The following GDF1 variants were observed in gnomAD, a reference collection of about 807,000 sequenced individuals.
The protein encoded by GDF1 is growth differentiation factor 1.
In GDF1, 8 loss-of-function variants were observed where a neutral mutation model predicts 7.4. The ratio of observed to expected loss-of-function variants is 1.09; its 90% CI spans 0.64 to 1.96. The LOEUF (loss-of-function observed/expected upper bound fraction) is 1.96. Ranked by LOEUF, GDF1 falls within the 30% of genes most tolerant of loss-of-function variation. The pLI is 0.00. For synonymous variants in GDF1, 311 were observed against 276.7 expected (o/e 1.12, Z -1.23); for missense variants, 574 against 551.5 (o/e 1.04, Z -0.41).
chr19:18,886,802 T>C (rs907918167), intron 2 of GDF1, among the ~76,000 whole-genome samples: 5 of 152,222 alleles, frequency 3.3e-5, no homozygotes, highest in African/African-American at 9.6e-5. Context: ...CATCTCGGCC[T>C]GGCCCCTTCT....
chr19:18,874,494 C>T (rs1475669631), intron 6 of GDF1, among the ~76,000 whole-genome samples: 3 of 152,126 alleles, frequency 2.0e-5, no homozygotes. Context: ...GCTGCAGGGG[C>T]AGTGGCAGGT....
chr19:18,885,316 T>A (rs554819142), intron 2 of GDF1, among the ~76,000 whole-genome samples: 29 of 152,198 alleles, frequency 1.9e-4, no homozygotes, highest in Admixed American at 7.2e-4. Flanking sequence ...TCCTCCCACC[T>A]CAGCCTCCTG....
chr19:18,879,032 A>T lies in GDF1; in HGVS notation c.-415T>A. On this transcript the variant is annotated 5_prime_UTR_variant, in exon 6 of 8. Transcript: ENST00000247005. The stretch of plus-strand genomic sequence containing the variant: ...TGTCAACACCTTGGCTGCAAACGCC[A>T]CGATGTACTGCGAGAGGGGAGGGGA... 1 of 1,613,548 alleles carries T rather than the reference A, an allele frequency of 6.2e-7. No homozygotes were observed. Among genetic ancestry groups the T allele is most frequent in the Middle Eastern group, 1.7e-4 (1 of 6,060 alleles).
rs1271581824 is a variant in GDF1, at chr19:18,895,959, C to T, written c.-1209G>A. 3.7e-6 allele frequency: 4 copies of T among 1,091,190 alleles called. No individual in the cohort carries two copies. In the South Asian group the frequency reaches 9.6e-5, roughly 26 times the overall value. 67.6% of individuals were successfully genotyped at this position (1,091,190 alleles called of 1,614,324 possible). Reference sequence around the variant, plus strand: ...GACGCGCCAGCCCCCAGCCGCAGTCCGTGCAGCCCCGCGCCGCCGCCAGCG... The same window carrying T: ...GACGCGCCAGCCCCCAGCCGCAGTCTGTGCAGCCCCGCGCCGCCGCCAGCG... On this transcript the variant is annotated 5_prime_UTR_variant, in exon 1 of 8. Transcript: ENST00000247005. This position sits in a 1 kb window ranked among gnomAD's most constrained non-coding sequence, Gnocchi z 6.4.
intron 2 of GDF1, among the ~76,000 whole-genome samples, chr19:18,884,590 G>A (rs2056303516): frequency 6.6e-6 from 1 of 151,362 alleles, no homozygotes; most frequent in Non-Finnish European, 1.5e-5. Flanking sequence ...TGTATTTTTA[G>A]TAGAGACGGG....
chr19:18,875,208 C>T (rs561917129), intron 6 of GDF1, among the ~76,000 whole-genome samples: 16 of 147,962 alleles, frequency 1.1e-4, no homozygotes, highest in Non-Finnish European at 1.9e-4. Flanking sequence ...TGCGCTCCAG[C>T]GTGGGCGACA....
rs2055913910 is a variant in GDF1 at position 18,869,237 on chromosome 19, T to A, written c.479A>T (p.Glu160Val). ...RFAAAAAAAP[E>V]GGWELSVAQA... ...CGCCACGCTCAGCTCCCAGCCGCCC[T>A]CCGGGGCTGCCGCCGCCGCCGCCGC... The change falls in exon 8 of 8, where the codon GAG becomes GTG. Residue 160 changes from glutamate to valine, a missense_variant. Transcript: ENST00000247005. 3.5e-6 allele frequency: 5 copies of A among 1,414,742 alleles called. No homozygotes were observed. The African/African-American group carries it at 7.6e-5, about 22-fold the overall frequency. The allele number at this position is 1,414,742 out of a possible 1,614,324, so 87.6% of individuals were successfully genotyped here.
intron 6 of GDF1, chr19:18,877,863 C>T: frequency 1.6e-6 from 1 of 618,818 alleles, no homozygotes. Context: ...CCCATGTGAC[C>T]CTCTGCCCCA....
At chr19:18,879,690 A>G (rs1265609009) in intron 4 of GDF1, among the ~76,000 whole-genome samples, 3 of 35,040 alleles carry the variant, frequency 8.6e-5, no homozygotes, top group African/African-American at 3.6e-4. Context: ...CACCTACCTC[A>G]CCAAACCCCA....
intron 6 of GDF1, among the ~76,000 whole-genome samples, chr19:18,875,444 GA>G (rs770325393): frequency 6.2e-4 from 94 of 151,896 alleles, no homozygotes; most frequent in Non-Finnish European, 1.1e-3. Context: ...TCAGGAGGCT[GA>G]GGCAGGAGAA....
At chr19:18,875,200 C>T (rs112931905) in intron 6 of GDF1, among the ~76,000 whole-genome samples, 1,998 of 150,030 alleles carry the variant, frequency 0.013, 40 homozygotes, top group African/African-American at 0.046. Flanking sequence ...TGAGCCAGTG[C>T]GCTCCAGCGT....
Position 18,896,021 on chromosome 19 carries a change from T to C in GDF1, c.-1271A>G. 2.0e-6 allele frequency: 2 copies of C among 1,005,108 alleles called. No individual in the cohort carries two copies. The highest frequency in any genetic ancestry group is 1.8e-5 in the African/African-American group (1 of 56,700). 62.3% of individuals were successfully genotyped at this position (1,005,108 alleles called of 1,614,324 possible). On this transcript the variant is annotated 5_prime_UTR_variant, in exon 1 of 8. Coordinates refer to ENST00000247005, the MANE Select transcript of GDF1 (RefSeq NM_001492.6). The surrounding 1 kb of genome is among the most constrained non-coding windows in gnomAD (Gnocchi z 5.9). ...CCGCGCTGCACTAGCTGCGCGTAGC[T>C]CGGCATGGGCTCGGGCCCCGTCGGC...
At chr19:18,869,479 C>A in intron 7 of GDF1, 89 bp from the exon 8 acceptor site, 1 of 1,372,860 alleles carries the variant, frequency 7.3e-7, no homozygotes, top group South Asian at 1.3e-5. Context: ...AAGGTGAACG[C>A]TGGGGCTCGG....
In GDF1 at chr19:18,880,316, G is replaced by A; in HGVS notation, c.-613C>T. 2 of 1,552,994 alleles carry A rather than the reference G, an allele frequency of 1.3e-6. No homozygotes were observed. The highest frequency in any genetic ancestry group is 1.7e-6 in the Non-Finnish European group (2 of 1,148,378). On this transcript the variant is annotated 5_prime_UTR_variant, in exon 4 of 8. Transcript: ENST00000247005. ...GAGGCAGCCCAAGTCTGCTGCCAAG[G>A]CATGCAGCCGATGGTAGGAGCCGCC...
In GDF1 at chr19:18,870,608, C is replaced by T. The variant is rs963048342; in HGVS notation, c.-301G>A. On this transcript the variant is annotated 5_prime_UTR_variant, in exon 7 of 8. Transcript: ENST00000247005. This position sits in a 1 kb window ranked among gnomAD's most constrained non-coding sequence, Gnocchi z 5.1. Reference sequence around the variant, plus strand: ...GCGCTTGTCCTTCACCAGGCCGTTCCTCAGTGGCTTCCTGGGGGTCAGAAC... The same window carrying T: ...GCGCTTGTCCTTCACCAGGCCGTTCTTCAGTGGCTTCCTGGGGGTCAGAAC... The T allele has an allele frequency of 5.2e-6, 3 of 577,746 alleles. No individual in the cohort carries two copies. The highest frequency in any genetic ancestry group is 9.4e-6 in the Non-Finnish European group (3 of 319,036). The allele number at this position is 577,746 out of a possible 1,614,324, so 35.8% of individuals were successfully genotyped here.
intron 2 of GDF1, among the ~76,000 whole-genome samples, chr19:18,890,631 A>G (rs1472688603): frequency 1.3e-5 from 2 of 151,456 alleles, no homozygotes; most frequent in African/African-American, 4.9e-5. Flanking sequence ...ACACAAAAAA[A>G]TTCGCTGGGG....
rs758878687 is a variant in GDF1 at position 18,869,359 on chromosome 19, C to A, written c.357G>T (p.Ser119=). ...GAPTRASEPA[S]AAGHCPEWTV... ...TCCACTCAGGGCAATGCCCCGCGGC[C>A]GAGGCAGGCTCCGAGGCCCGGGTGG... The change falls in exon 8 of 8, where the codon TCG becomes TCT. Residue 119 remains serine, a synonymous_variant. Coordinates refer to ENST00000247005, the MANE Select transcript of GDF1 (RefSeq NM_001492.6). 6.5e-7 allele frequency: 1 copy of A among 1,532,152 alleles called. No homozygotes were observed. Among genetic ancestry groups the A allele is most frequent in the Non-Finnish European group, 8.7e-7 (1 of 1,146,660 alleles). 94.9% of individuals were successfully genotyped at this position (1,532,152 alleles called of 1,614,324 possible). A position where few individuals can be genotyped will look rare whatever the true frequency, so the allele number is the denominator to read the frequency against.
intron 2 of GDF1, among the ~76,000 whole-genome samples, chr19:18,888,037 T>C (rs2056402428): frequency 6.6e-6 from 1 of 152,154 alleles, no homozygotes; most frequent in Non-Finnish European, 1.5e-5. Flanking sequence ...CTAAAATGCC[T>C]AATTTCAAGC....
chr19:18,873,807 C>T (rs1411361481), intron 6 of GDF1, among the ~76,000 whole-genome samples: 1 of 150,580 alleles, frequency 6.6e-6, no homozygotes, highest in Non-Finnish European at 1.5e-5. Flanking sequence ...CACCACTGTA[C>T]TCCAGCCTGG....
Sources: gnomAD v4.1 joint callset for allele counts (sites outside exome capture counted in the v4.1 genomes callset) on GRCh38, gnomAD v4.1.1 for gene constraint, Gnocchi (gnomAD v3.1) non-coding constraint, MANE v1.5 for transcripts, NCBI Gene and HGNC (gene_info 2026-07-23, HGNC 2026-07-21) for gene names.